SLC6A9: variants seen among roughly 807,000 people sequenced by gnomAD.
SLC6A9 encodes sodium- and chloride-dependent glycine transporter 1.
Under a neutral mutation model 70.9 loss-of-function variants are expected in SLC6A9, and 31 were observed. The observed-to-expected ratio is 0.44, with a 90% CI of 0.33 to 0.59. The LOEUF is 0.59. SLC6A9 is among the 20% of genes least tolerant of loss of function. SLC6A9 has a pLI of 0.04. For missense variants in SLC6A9, 631 were observed against 845.2 expected (o/e 0.75, Z 3.14); for synonymous variants, 310 against 341.3 (o/e 0.91, Z 1.01).
chr1:44,028,897 C>A (rs371808302), intron 1 of SLC6A9, among the ~76,000 whole-genome samples: 17 of 152,204 alleles, frequency 1.1e-4, no homozygotes, highest in African/African-American at 4.1e-4. Context: ...AGGAGAGGTG[C>A]ACAGATTTCA....
At chr1:44,015,867 C>T (rs1423319788) in intron 2 of SLC6A9, 6 of 985,266 alleles carry the variant, frequency 6.1e-6, no homozygotes, top group Non-Finnish European at 7.2e-6. Flanking sequence ...GGGAAAATCT[C>T]CCCCGGGCCG....
In SLC6A9 at chr1:43,997,414, T is replaced by C; in HGVS notation, c.*131A>G. ...GCATGAATGACTGCACTAGCAGTGGTGACCAAGGTGACAGCAGCCGTCCTG... is the reference window on the plus strand; with the variant it reads ...GCATGAATGACTGCACTAGCAGTGGCGACCAAGGTGACAGCAGCCGTCCTG... On this transcript the variant is annotated 3_prime_UTR_variant, in exon 14 of 14. Transcript: ENST00000372310. This position sits in a 1 kb window ranked among gnomAD's most constrained non-coding sequence, Gnocchi z 4.4. 2.6e-6 allele frequency: 2 copies of C among 755,982 alleles called. No individual in the cohort carries two copies. The highest frequency in any genetic ancestry group is 4.6e-6 in the Non-Finnish European group (2 of 439,272). The allele number at this position is 755,982 out of a possible 1,614,324, so 46.8% of individuals were successfully genotyped here. A position where few individuals can be genotyped will look rare whatever the true frequency, so the allele number is the denominator to read the frequency against.
intron 2 of SLC6A9, among the ~76,000 whole-genome samples, chr1:44,022,713 TCTTTC>T (rs1395676713): frequency 1.3e-4 from 11 of 86,300 alleles, no homozygotes; most frequent in African/African-American, 9.4e-4. Flanking sequence ...TTTCTTTCTT[TCTTTC>T]TTTCTTTTTT....
Position 44,002,803 on chromosome 1 carries a change from G to A in SLC6A9, c.723+50C>T, listed in dbSNP as rs1359505276. 1.2e-6 allele frequency: 2 copies of A among 1,609,410 alleles called. No individual in the cohort carries two copies. Among genetic ancestry groups the A allele is most frequent in the African/African-American group, 2.7e-5 (2 of 74,800 alleles). On this transcript the variant is annotated intron_variant, in intron 6 of 13. Transcript: ENST00000372310. The surrounding 1 kb of genome is among the most constrained non-coding windows in gnomAD (Gnocchi z 5.5). ...CAATACACACATAACCCAGGTAGGGGGCAGGGTCTTTCTGGGTGGGCACAG... is the reference window on the plus strand; with the variant it reads ...CAATACACACATAACCCAGGTAGGGAGCAGGGTCTTTCTGGGTGGGCACAG...
chr1:44,011,023 A>G, intron 2 of SLC6A9, 141 bp from the exon 3 acceptor site: 1 of 861,488 alleles, frequency 1.2e-6, no homozygotes, highest in Admixed American at 2.4e-5. Context: ...AGCTTCAGGC[A>G]GGCCTGGCAA....
Position 44,011,449 on chromosome 1 carries a change from G to A in SLC6A9, c.31-567C>T. 3 of 884,602 alleles carry A rather than the reference G, an allele frequency of 3.4e-6. No homozygotes were observed. In the South Asian group the frequency reaches 4.7e-5, roughly 14 times the overall value. The allele number at this position is 884,602 out of a possible 1,614,324, so 54.8% of individuals were successfully genotyped here. On this transcript the variant is annotated intron_variant, in intron 2 of 13. Transcript: ENST00000372310. ...GTGGGCAGGGCTGGGGGGAAATGGG[G>A]GAGCAGCTGAGCCGGGACAGACATG...
intron 12 of SLC6A9, among the ~76,000 whole-genome samples, chr1:43,998,324 G>T (rs553497515): frequency 6.6e-6 from 1 of 152,306 alleles, no homozygotes; most frequent in African/African-American, 2.4e-5. Flanking sequence ...GCTCGCTATG[G>T]CTCCCCATGG....
At chr1:44,028,261 G>A (rs1463600089) in intron 1 of SLC6A9, among the ~76,000 whole-genome samples, 1 of 152,242 alleles carries the variant, frequency 6.6e-6, no homozygotes, top group African/African-American at 2.4e-5. Context: ...AGTGGACAGA[G>A]AGGCCTGGCC....
chr1:44,009,210 G>C, intron 4 of SLC6A9, among the ~76,000 whole-genome samples: 1 of 147,778 alleles, frequency 6.8e-6, no homozygotes, highest in East Asian at 2.0e-4. Flanking sequence ...ATTTTTAGTA[G>C]AGATGGGGTT....
At chr1:44,020,788 G>A (rs2086866680) in intron 2 of SLC6A9, among the ~76,000 whole-genome samples, 1 of 152,194 alleles carries the variant, frequency 6.6e-6, no homozygotes, top group Admixed American at 6.5e-5. Flanking sequence ...AACCCTCAGG[G>A]AAAAACATAT....
intron 1 of SLC6A9, among the ~76,000 whole-genome samples, chr1:44,025,340 TCATGGCAATGCTGGTGCA>T (rs1226559429): frequency 6.6e-6 from 1 of 152,064 alleles, no homozygotes; most frequent in Non-Finnish European, 1.5e-5. Context: ...AGGAACAGTC[TCATGGCAATGCTGGTGCA>T]CACTGGATTA....
At chr1:44,011,572 C>T (rs766054712) in intron 2 of SLC6A9, 1 of 1,613,816 alleles carries the variant, frequency 6.2e-7, no homozygotes, top group Non-Finnish European at 8.5e-7. Flanking sequence ...TGGGCCATGG[C>T]TAGGGAGTGC....
intron 5 of SLC6A9, among the ~76,000 whole-genome samples, chr1:44,007,334 G>A (rs547461125): frequency 6.6e-6 from 1 of 152,302 alleles, no homozygotes; most frequent in East Asian, 1.9e-4. Context: ...TACCTACCAT[G>A]GGGACACAGG....
intron 2 of SLC6A9, among the ~76,000 whole-genome samples, chr1:44,019,793 T>C (rs1054305354): frequency 2.6e-5 from 4 of 152,224 alleles, no homozygotes; most frequent in Admixed American, 2.6e-4. Flanking sequence ...TGGGCATGCT[T>C]CCAGAGGGGC....
At position 44,011,493 on chromosome 1, in the gene SLC6A9, T is replaced by G. The variant is rs900949636; in HGVS notation, c.31-611A>C. Reference sequence around the variant, plus strand: ...AGACATGGGGAGGGCATTCTGGGACTCTAGGTGGGAGGGTCCGGGGAGCTA... The same window carrying G: ...AGACATGGGGAGGGCATTCTGGGACGCTAGGTGGGAGGGTCCGGGGAGCTA... On this transcript the variant is annotated intron_variant, in intron 2 of 13. Transcript: ENST00000372310. 57 of 1,363,620 alleles carry G rather than the reference T, an allele frequency of 4.2e-5. No homozygotes were observed. In the African/African-American group the frequency reaches 7.7e-4, roughly 19 times the overall value. The allele number at this position is 1,363,620 out of a possible 1,614,324, so 84.5% of individuals were successfully genotyped here.
In SLC6A9 at chr1:43,996,523, T is replaced by G; in HGVS notation, c.*1022A>C. On this transcript the variant is annotated 3_prime_UTR_variant, in exon 14 of 14. Transcript: ENST00000372310. ...GAAATTTCATTAAAATCTATGGACT[T>G]TAAAATCCTAGTGGTGCACAATGGG... is the stretch of plus-strand genomic sequence containing the variant. 4.0e-6 allele frequency: 1 copy of G among 248,626 alleles called. No individual in the cohort carries two copies. Among genetic ancestry groups the G allele is most frequent in the Non-Finnish European group, 7.7e-6 (1 of 129,716 alleles). The allele number at this position is 248,626 out of a possible 1,614,324, so 15.4% of individuals were successfully genotyped here.
intron 2 of SLC6A9, chr1:44,017,299 C>T (rs1163644089): frequency 1.2e-5 from 17 of 1,448,680 alleles, no homozygotes; most frequent in African/African-American, 1.5e-5. Context: ...AGCACGGGTG[C>T]TCCGGAGCTG....
At chr1:44,023,544 A>G (rs1380108942) in intron 2 of SLC6A9, among the ~76,000 whole-genome samples, 1 of 152,154 alleles carries the variant, frequency 6.6e-6, no homozygotes, top group African/African-American at 2.4e-5. Flanking sequence ...TGGGAGGCTG[A>G]GGCATGAGAA....
At position 44,017,221 on chromosome 1, in the gene SLC6A9, A is replaced by G. The variant is rs202226197; in HGVS notation, c.31-6339T>C. On this transcript the variant is annotated intron_variant, in intron 2 of 13. Transcript: ENST00000372310. Reference sequence around the variant, plus strand: ...GGGCAGCGTCAATTACTTTCACCTCATCTCCTCCCGAAGCTCTGCCTACCC... The same window carrying G: ...GGGCAGCGTCAATTACTTTCACCTCGTCTCCTCCCGAAGCTCTGCCTACCC... 6.2e-4 allele frequency: 940 copies of G among 1,522,970 alleles called. 1 individual carries two copies. The highest frequency in any genetic ancestry group is 6.2e-3 in the Middle Eastern group (36 of 5,848). The allele number at this position is 1,522,970 out of a possible 1,614,324, so 94.3% of individuals were successfully genotyped here.
Sources: gnomAD v4.1 joint callset for allele counts (sites outside exome capture counted in the v4.1 genomes callset) on GRCh38, gnomAD v4.1.1 for gene constraint, Gnocchi (gnomAD v3.1) non-coding constraint, MANE v1.5 for transcripts, NCBI Gene and HGNC (gene_info 2026-07-23, HGNC 2026-07-21) for gene names.